The following RNH1 variants were observed in gnomAD, a reference collection of about 807,000 sequenced individuals.
RNH1 encodes ribonuclease/angiogenin inhibitor 1, also known as ribonuclease inhibitor.
RNH1 carries 38 observed loss-of-function variants against 46.1 expected under a neutral mutation model. The ratio of observed to expected loss-of-function variants is 0.82; its 90% CI spans 0.64 to 1.08. The LOEUF (loss-of-function observed/expected upper bound fraction) is 1.08. Ranked by LOEUF, RNH1 falls within the 50% of genes least tolerant of loss-of-function variation. The pLI, the probability that RNH1 is intolerant of heterozygous loss-of-function variation, is 0.00. For missense variants in RNH1, 577 were observed against 590.7 expected, an observed-to-expected ratio of 0.98 and a Z score of 0.24; for synonymous variants, 319 against 279.1, an observed-to-expected ratio of 1.14 and a Z score of -1.43.
intron 5 of RNH1, chr11:499,514 A>G: frequency 2.9e-6 from 2 of 692,734 alleles, no homozygotes; most frequent in South Asian, 3.0e-5. Flanking sequence ...CCCCACACAC[A>G]CTGAGGCGGT....
rs1849822515 is a variant in RNH1, at chr11:502,313, C to T, written c.-87-64G>A. On this transcript the variant is annotated intron_variant, in intron 2 of 10. Transcript: ENST00000354420. This position sits in a 1 kb window ranked among gnomAD's most constrained non-coding sequence, Gnocchi z 5.8. Reference sequence around the variant, plus strand: ...GCCGCAGCCTCTCCCTGGGCAAACACTTCCTCTTCAGCACCCTCCCCACCT... The same window carrying T: ...GCCGCAGCCTCTCCCTGGGCAAACATTTCCTCTTCAGCACCCTCCCCACCT... 1 of 665,392 alleles carries T rather than the reference C, an allele frequency of 1.5e-6. No homozygotes were observed. The highest frequency in any genetic ancestry group is 2.7e-6 in the Non-Finnish European group (1 of 369,882). The allele number at this position is 665,392 out of a possible 1,614,324, so 41.2% of individuals were successfully genotyped here.
chr11:500,165 G>A (rs1310818358), intron 4 of RNH1, 166 bp from the exon 5 acceptor site: 2 of 802,984 alleles, frequency 2.5e-6, no homozygotes, highest in Non-Finnish European at 3.8e-6. Flanking sequence ...GAGTGAAGGA[G>A]GGCACGCATG....
In RNH1 at chr11:499,904, T is replaced by C; in HGVS notation, c.368A>G (p.Asn123Ser). ...CTGCAGGCCCGCATCCCCCAAGAGG[T>C]TGTCGCTGAGGTGCAGCTCCTGCAG... ...PTLQELHLSD[N>S]LLGDAGLQLL... The change falls in exon 5 of 11, where the codon AAC becomes AGC. Residue 123 changes from asparagine (N) to serine (S), a missense_variant. Physicochemically the swap from Asn to Ser is conservative, Grantham distance 46. Coordinates refer to ENST00000354420, the MANE Select transcript of RNH1 (RefSeq NM_203387.3). 6.2e-7 allele frequency: 1 copy of C among 1,613,146 alleles called. No individual in the cohort carries two copies. The highest frequency in any genetic ancestry group is 8.5e-7 in the Non-Finnish European group (1 of 1,179,918).
rs373994983 is a variant in RNH1 at position 498,734 on chromosome 11, G to A, written c.785+29C>T. The A allele has an allele frequency of 2.4e-5, 38 of 1,590,728 alleles. No individual in the cohort carries two copies. In the East Asian group the frequency reaches 2.7e-4, roughly 11 times the overall value. Reference sequence around the variant, plus strand: ...AGGACGGCCCGCCGCCCGACCCTCCGGGAAGGAGGCCTCGCGGAGATGACT... The same window carrying A: ...AGGACGGCCCGCCGCCCGACCCTCCAGGAAGGAGGCCTCGCGGAGATGACT... On this transcript the variant is annotated intron_variant, in intron 7 of 10. Coordinates refer to ENST00000354420, the MANE Select transcript of RNH1 (RefSeq NM_203387.3).
chr11:505,874 C>CTTTTTTTTTT, intron 1 of RNH1: 1 of 118,094 alleles, frequency 8.5e-6, no homozygotes, highest in Non-Finnish European at 1.7e-5. Flanking sequence ...CCTAATGTAA[C>CTTTTTTTTTT]TTTTTTTTTT....
At chr11:500,256 G>T in intron 4 of RNH1, 3 of 668,620 alleles carry the variant, frequency 4.5e-6, no homozygotes, top group Admixed American at 5.9e-5. Flanking sequence ...TAGGGATGGC[G>T]GGCAGGGCCA....
In RNH1 at chr11:502,290, C is replaced by T. The variant is rs1023140228; in HGVS notation, c.-87-41G>A. On this transcript the variant is annotated intron_variant, in intron 2 of 10. Coordinates refer to ENST00000354420, the MANE Select transcript of RNH1 (RefSeq NM_203387.3). The surrounding 1 kb of genome is among the most constrained non-coding windows in gnomAD (Gnocchi z 5.8). ...ACAGGGCTGATGTTTCAGGAGGAGC[C>T]GCAGCCTCTCCCTGGGCAAACACTT... The T allele has an allele frequency of 2.2e-5, 16 of 719,808 alleles. No individual in the cohort carries two copies. The highest frequency in any genetic ancestry group is 4.2e-5 in the Admixed American group (2 of 47,394). The allele number at this position is 719,808 out of a possible 1,614,324, so 44.6% of individuals were successfully genotyped here. A position where few individuals can be genotyped will look rare whatever the true frequency, so the allele number is the denominator to read the frequency against.
rs1171046448 is a variant in RNH1, at chr11:494,695, G to A, written c.1382C>T (p.Ser461Phe). ...EKDKPSLRVI[S>F] The stretch of plus-strand genomic sequence containing the variant: ...AGAGCAGCAGCAGGAAGAGCCTCAG[G>A]AGATGACCCTCAGGGATGGCTTGTC... Residue 461 changes from serine (S) to phenylalanine (F), a missense_variant, in exon 11 of 11, where the codon TCC (serine) becomes TTC (phenylalanine). Physicochemically the swap from Ser to Phe is radical, Grantham distance 155. Transcript: ENST00000354420. The A allele has an allele frequency of 1.2e-6, 2 of 1,613,720 alleles. No individual in the cohort carries two copies. The highest frequency in any genetic ancestry group is 1.7e-5 in the Admixed American group (1 of 59,998).
In RNH1 at chr11:501,826, C is replaced by G. The variant is rs367713965; in HGVS notation, c.101+236G>C. 1 of 549,062 alleles carries G rather than the reference C, an allele frequency of 1.8e-6. No homozygotes were observed. Among genetic ancestry groups the G allele is most frequent in the African/African-American group, 1.9e-5 (1 of 52,930 alleles). The allele number at this position is 549,062 out of a possible 1,614,324, so 34.0% of individuals were successfully genotyped here. ...AGCCAGAGACCCACTGGCCAGTGGC[C>G]GCCCACCTCGGCCCGCCCACCTCAG... On this transcript the variant is annotated intron_variant, in intron 3 of 10. Transcript: ENST00000354420. This position sits in a 1 kb window ranked among gnomAD's most constrained non-coding sequence, Gnocchi z 4.1.
chr11:500,417 GT>G, intron 4 of RNH1, 66 bp downstream of exon 4: 1 of 1,549,900 alleles, frequency 6.5e-7, no homozygotes, highest in Non-Finnish European at 8.7e-7. Flanking sequence ...TGGCGGCTCT[GT>G]CCCCTGCTGC....
At position 499,137 on chromosome 11, in the gene RNH1, GGAGGCCAGGGGCTCGCAGCTGGCAGCCGA is replaced by G. The variant is rs1849471581; in HGVS notation, c.463_491del (p.Ser155ArgfsTer14). ...TGAAGTCCGGCTTGGCCCTGAGCAC[GGAGGCCAGGGGCTCGCAGCTGGCAGCCGA>G]GAGGCTGCAATACTCCAGCCTGGGG... On this transcript the variant is annotated frameshift_variant, in exon 6 of 11. Coordinates refer to ENST00000354420, the MANE Select transcript of RNH1 (RefSeq NM_203387.3). LOFTEE classifies it high-confidence loss of function. 6.2e-7 allele frequency: 1 copy of G among 1,613,132 alleles called. No homozygotes were observed. The highest frequency in any genetic ancestry group is 8.5e-7 in the Non-Finnish European group (1 of 1,179,974).
chr11:494,801 G>A lies in RNH1; in HGVS notation c.1299-23C>T, dbSNP rs760369194. The A allele has an allele frequency of 5.4e-5, 87 of 1,613,344 alleles. 1 individual carries two copies. The Middle Eastern group carries it at 5.4e-3, about 101-fold the overall frequency. ...AGGCTGCACACAGGCCAGAAGGGAG[G>A]CATGGGCCCGTGTCCTCCCCCACCC... is the stretch of plus-strand genomic sequence containing the variant. On this transcript the variant is annotated intron_variant, in intron 10 of 10. Coordinates refer to ENST00000354420, the MANE Select transcript of RNH1 (RefSeq NM_203387.3).
chr11:497,211 T>TCA lies in RNH1; in HGVS notation c.1127+758_1127+759dup, dbSNP rs35088321. ...CTCGTGCTCACTCTCACCCATGTGCTCACGTACTCTCGCCCATGTGCTCAC... is the reference window on the plus strand; with the variant it reads ...CTCGTGCTCACTCTCACCCATGTGCTCACACGTACTCTCGCCCATGTGCTCAC... On this transcript the variant is annotated intron_variant, in intron 9 of 10. Coordinates refer to ENST00000354420, the MANE Select transcript of RNH1 (RefSeq NM_203387.3). Among the ~76,000 whole-genome samples the TCA allele has an allele frequency of 2.3e-5, 3 of 130,248 alleles. 1 individual carries two copies. Among genetic ancestry groups the TCA allele is most frequent in the African/African-American group, 6.6e-5 (2 of 30,388 alleles). 85.4% of individuals were successfully genotyped at this position (130,248 alleles called of 152,430 possible). A position where few individuals can be genotyped will look rare whatever the true frequency, so the allele number is the denominator to read the frequency against.
rs990434014 is a variant in RNH1, at chr11:494,634, G to A, written c.*57C>T. 1.8e-5 allele frequency: 27 copies of A among 1,485,026 alleles called. No homozygotes were observed. The highest frequency in any genetic ancestry group is 2.3e-5 in the Non-Finnish European group (25 of 1,067,474). The allele number at this position is 1,485,026 out of a possible 1,614,324, so 92.0% of individuals were successfully genotyped here. A position where few individuals can be genotyped will look rare whatever the true frequency, so the allele number is the denominator to read the frequency against. On this transcript the variant is annotated 3_prime_UTR_variant, in exon 11 of 11. Coordinates refer to ENST00000354420, the MANE Select transcript of RNH1 (RefSeq NM_203387.3). ...GGGTGAGAGCATGGCAGGGGCTGGT[G>A]GGCCCCAGGGTTGCCTCGAGGCCGG...
At chr11:498,162 G>A (rs1480137427) in intron 8 of RNH1, 21 bp from the exon 9 acceptor site, 3 of 1,602,834 alleles carry the variant, frequency 1.9e-6, no homozygotes, top group Non-Finnish European at 1.7e-6. Context: ...AGACAGGACT[G>A]ACGCCTGGCA....
At chr11:497,028 A>G (rs1849140459) in intron 9 of RNH1, among the ~76,000 whole-genome samples, 1 of 152,252 alleles carries the variant, frequency 6.6e-6, no homozygotes, top group South Asian at 2.1e-4. Context: ...TTCCCAGTAC[A>G]TGAACATGCA....
At chr11:497,191 G>C (rs1565018108) in intron 9 of RNH1, among the ~76,000 whole-genome samples, 1 of 136,366 alleles carries the variant, frequency 7.3e-6, no homozygotes, top group Non-Finnish European at 1.6e-5. Flanking sequence ...GGACACTCGT[G>C]CTCACTCTCA....
chr11:497,084 TCA>T (rs1849152536), intron 9 of RNH1, among the ~76,000 whole-genome samples: 1 of 151,890 alleles, frequency 6.6e-6, no homozygotes, highest in African/African-American at 2.4e-5. Flanking sequence ...ACACTCGTGC[TCA>T]CTCTCGCCCA....
Position 500,551 on chromosome 11 carries a change from C to A in RNH1, c.205G>T (p.Gly69Cys), listed in dbSNP as rs778493431. 1 of 1,611,014 alleles carries A rather than the reference C, an allele frequency of 6.2e-7. No individual in the cohort carries two copies. Among genetic ancestry groups the A allele is most frequent in the Admixed American group, 1.7e-5 (1 of 60,026 alleles). The change falls in exon 4 of 11, where the codon GGC becomes TGC. Residue 69 changes from glycine to cysteine, a missense_variant. Physicochemically the swap from Gly to Cys is radical, Grantham distance 159 (BLOSUM62 -3). Coordinates refer to ENST00000354420, the MANE Select transcript of RNH1 (RefSeq NM_203387.3). ...AGCACGCAATGCACGCCGACATCGC[C>A]CAGCTCGTTGCTGCGCAGGTTGAGC... ...AELNLRSNEL[G>C]DVGVHCVLQG... is the part of the protein sequence containing the mutation.
Sources: gnomAD v4.1 joint callset for allele counts (sites outside exome capture counted in the v4.1 genomes callset) on GRCh38, gnomAD v4.1.1 for gene constraint, Gnocchi (gnomAD v3.1) non-coding constraint, MANE v1.5 for transcripts, NCBI Gene and HGNC (gene_info 2026-07-23, HGNC 2026-07-21) for gene names.